The following PDZRN3 variants were observed in gnomAD, a reference collection of about 807,000 sequenced individuals.
PDZRN3 encodes the protein PDZ domain containing ring finger 3.
Under a neutral mutation model 85.7 loss-of-function variants are expected in PDZRN3, and 38 were observed. The observed-to-expected ratio is 0.44, with a 90% CI of 0.34 to 0.58. PDZRN3 has a LOEUF of 0.58. Ranked by LOEUF, PDZRN3 falls within the 20% of genes least tolerant of loss-of-function variation. PDZRN3 has a pLI of 0.01. For missense variants in PDZRN3, 1,629 were observed against 1,506.4 expected, an observed-to-expected ratio of 1.08 and a Z score of -1.35; for synonymous variants, 759 against 638.0, an observed-to-expected ratio of 1.19 and a Z score of -2.86.
chr3:73,600,114 G>C (rs1189596982), intron 3 of PDZRN3, among the ~76,000 whole-genome samples: 1 of 152,178 alleles, frequency 6.6e-6, no homozygotes, highest in Non-Finnish European at 1.5e-5. Flanking sequence ...TGGTCTCAGA[G>C]AACAGATACC....
intron 3 of PDZRN3, among the ~76,000 whole-genome samples, chr3:73,468,116 T>G (rs1363158509): frequency 6.6e-6 from 1 of 151,786 alleles, no homozygotes; most frequent in Non-Finnish European, 1.5e-5. Flanking sequence ...TGTACCATAA[T>G]AATAATAATT....
chr3:73,596,535 G>A (rs1702432554), intron 3 of PDZRN3, among the ~76,000 whole-genome samples: 1 of 152,190 alleles, frequency 6.6e-6, no homozygotes, highest in African/African-American at 2.4e-5. Context: ...TTAACATAAA[G>A]GGACAACTTC....
At chr3:73,433,589 G>T in intron 3 of PDZRN3, 2 of 1,233,140 alleles carry the variant, frequency 1.6e-6, no homozygotes, top group Admixed American at 2.0e-5. Context: ...AGTTACACTT[G>T]GCCAGGTGGG....
intron 3 of PDZRN3, among the ~76,000 whole-genome samples, chr3:73,413,666 TA>T (rs1400249405): frequency 2.0e-5 from 3 of 151,904 alleles, no homozygotes; most frequent in African/African-American, 7.3e-5. Flanking sequence ...ACCTGGGCTG[TA>T]AAGCAAAGGA....
At chr3:73,470,589 C>T (rs191471385) in intron 3 of PDZRN3, among the ~76,000 whole-genome samples, 27 of 152,300 alleles carry the variant, frequency 1.8e-4, no homozygotes, top group Admixed American at 1.4e-3. Flanking sequence ...ACTTACTGCC[C>T]GCCATGTGCT....
At chr3:73,488,294 G>T (rs999561234) in intron 3 of PDZRN3, among the ~76,000 whole-genome samples, 6 of 152,230 alleles carry the variant, frequency 3.9e-5, no homozygotes, top group African/African-American at 1.4e-4. Flanking sequence ...TAAAGGCTAT[G>T]ATGATAAAAC....
At chr3:73,453,979 C>T (rs1429101182) in intron 3 of PDZRN3, among the ~76,000 whole-genome samples, 1 of 152,136 alleles carries the variant, frequency 6.6e-6, no homozygotes, top group Non-Finnish European at 1.5e-5. Context: ...ACCAAAGTGG[C>T]CTACACTGTT....
intron 1 of PDZRN3, 55 bp from the exon 2 acceptor site, chr3:73,608,739 G>C: frequency 2.8e-6 from 3 of 1,066,984 alleles, no homozygotes; most frequent in Non-Finnish European, 4.3e-6. Context: ...ATAGATGGTA[G>C]GAATTTTCCT....
chr3:73,433,874 C>T (rs902999686), intron 3 of PDZRN3: 2 of 1,431,528 alleles, frequency 1.4e-6, no homozygotes, highest in Non-Finnish European at 9.1e-7. Flanking sequence ...CAACTCTCTC[C>T]CCCCTTCCAC....
chr3:73,382,675 T>C lies in PDZRN3; in HGVS notation c.*690A>G, dbSNP rs1316146937. The C allele has an allele frequency of 6.6e-6, 1 of 152,648 alleles. No individual in the cohort carries two copies. The highest frequency in any genetic ancestry group is 2.4e-5 in the African/African-American group (1 of 41,454). 9.5% of individuals were successfully genotyped at this position (152,648 alleles called of 1,614,324 possible). On this transcript the variant is annotated 3_prime_UTR_variant, in exon 10 of 10. Transcript: ENST00000263666. ...CAACTTTCCTGTACATGCAAATTCT[T>C]TCAATGGGCTGCAATATTTGCAAAC...
chr3:73,450,301 C>A (rs552019014), intron 3 of PDZRN3, among the ~76,000 whole-genome samples: 1 of 152,174 alleles, frequency 6.6e-6, no homozygotes, highest in Non-Finnish European at 1.5e-5. Flanking sequence ...GCGTACTAAA[C>A]ATTCTCAAGC....
At chr3:73,608,394 TATTAC>T in intron 2 of PDZRN3, among the ~76,000 whole-genome samples, 199 bp downstream of exon 2, 1 of 152,330 alleles carries the variant, frequency 6.6e-6, no homozygotes, top group South Asian at 2.1e-4. Flanking sequence ...TTAGCTGTTA[TATTAC>T]TAGGCCAATG....
chr3:73,441,910 A>C (rs1444800155), intron 3 of PDZRN3, among the ~76,000 whole-genome samples: 1 of 152,180 alleles, frequency 6.6e-6, no homozygotes, highest in African/African-American at 2.4e-5. Flanking sequence ...TCTAGATACA[A>C]GGTTTCCTTT....
intron 3 of PDZRN3, among the ~76,000 whole-genome samples, chr3:73,440,944 T>G (rs1405727550): frequency 6.6e-6 from 1 of 152,186 alleles, no homozygotes; most frequent in Non-Finnish European, 1.5e-5. Flanking sequence ...TCTGTGGGTG[T>G]GCACTAAACC....
chr3:73,410,244 A>G (rs988133546), intron 3 of PDZRN3, among the ~76,000 whole-genome samples: 2 of 152,218 alleles, frequency 1.3e-5, no homozygotes, highest in Non-Finnish European at 2.9e-5. Context: ...TTTCAAATTT[A>G]TAGTCTCCTC....
At chr3:73,468,340 A>T (rs1383046432) in intron 3 of PDZRN3, among the ~76,000 whole-genome samples, 1 of 152,156 alleles carries the variant, frequency 6.6e-6, no homozygotes, top group African/African-American at 2.4e-5. Context: ...CACCTTGATT[A>T]TAGTTTGGTT....
intron 3 of PDZRN3, among the ~76,000 whole-genome samples, chr3:73,571,059 G>C (rs1702039184): frequency 6.6e-6 from 1 of 152,160 alleles, no homozygotes; most frequent in Non-Finnish European, 1.5e-5. Flanking sequence ...ATGCTGCTCA[G>C]TGTATGGACT....
At chr3:73,400,833 G>T in intron 5 of PDZRN3, 89 bp downstream of exon 5, 1 of 942,916 alleles carries the variant, frequency 1.1e-6, no homozygotes, top group Non-Finnish European at 1.7e-6. Context: ...ATCGGCATCC[G>T]TAAACTAATT....
At chr3:73,386,167 A>C (rs909285848) in intron 8 of PDZRN3, among the ~76,000 whole-genome samples, 5 of 149,808 alleles carry the variant, frequency 3.3e-5, no homozygotes. Context: ...AATGATTTTC[A>C]GTGTGAAAAG....
Sources: gnomAD v4.1 joint callset for allele counts (sites outside exome capture counted in the v4.1 genomes callset) on GRCh38, gnomAD v4.1.1 for gene constraint, MANE v1.5 for transcripts, NCBI Gene and HGNC (gene_info 2026-07-23, HGNC 2026-07-21) for gene names.